The following XIRP2 variants were observed in gnomAD, a reference collection of about 807,000 sequenced individuals.
XIRP2 encodes the protein xin actin-binding repeat-containing protein 2.
In XIRP2, 236 loss-of-function variants were observed where a neutral mutation model predicts 277.0. The observed-to-expected ratio is 0.85, with a 90% CI of 0.77 to 0.95. The LOEUF is 0.95. Ranked by LOEUF, XIRP2 falls within the 40% of genes least tolerant of loss-of-function variation. XIRP2 has a pLI of 0.00. For synonymous variants in XIRP2, 1,490 were observed against 1,416.5 expected, an observed-to-expected ratio of 1.05 and a Z score of -1.17; for missense variants, 4,640 against 4,157.5, an observed-to-expected ratio of 1.12 and a Z score of -3.19.
rs751710491 is a variant in XIRP2 at position 167,248,047 on chromosome 2, A to C, written c.6655A>C (p.Thr2219Pro). The change falls in exon 9 of 11, where the codon ACA (threonine) becomes CCA (proline). Residue 2219 changes from threonine (T) to proline (P), a missense_variant. Transcript: ENST00000409195. ...GCAGCTTTTGCCTGTAGAGCAAGAC[A>C]CATCCAATGTAACAGAAATGAAAGT... ...MWQLLPVEQDTSNVTEMKVSE... is the reference protein window; with the variant it reads ...MWQLLPVEQDPSNVTEMKVSE... 5 of 1,613,668 alleles carry C rather than the reference A, an allele frequency of 3.1e-6. No individual in the cohort carries two copies. The highest frequency in any genetic ancestry group is 2.2e-5 in the South Asian group (2 of 91,050).
chr2:167,088,147 A>C (rs894678384), intron 2 of XIRP2, among the ~76,000 whole-genome samples: 10 of 152,284 alleles, frequency 6.6e-5, no homozygotes, highest in Non-Finnish European at 2.9e-5. Context: ...TAAAAGTATC[A>C]AAAATTATAA....
At chr2:167,209,978 A>C (rs1265377224) in intron 3 of XIRP2, among the ~76,000 whole-genome samples, 1 of 152,104 alleles carries the variant, frequency 6.6e-6, no homozygotes, top group Non-Finnish European at 1.5e-5. Flanking sequence ...AGTCTTTAAC[A>C]CTACTTCCAG....
In XIRP2 at chr2:166,940,942, G is replaced by A. The variant is rs183497017; in HGVS notation, c.408+37052G>A. The stretch of plus-strand genomic sequence containing the variant: ...TGTCTGATCTCAGATCTCCAGCTTC[G>A]TGCTGGGAGAACCACTACTCTCTTC... On this transcript the variant is annotated intron_variant, in intron 2 of 10. Transcript: ENST00000409195. Among the ~76,000 whole-genome samples, 748 of 152,228 alleles carry A rather than the reference G, an allele frequency of 4.9e-3. 4 individuals carry two copies. The highest frequency in any genetic ancestry group is 0.017 in the African/African-American group (723 of 41,540).
At chr2:166,976,550 AT>A (rs1686722188) in intron 2 of XIRP2, among the ~76,000 whole-genome samples, 1 of 152,200 alleles carries the variant, frequency 6.6e-6, no homozygotes, top group Non-Finnish European at 1.5e-5. Context: ...TGGAATTAAT[AT>A]TATATCATTC....
Position 167,243,132 on chromosome 2 carries a change from C to A in XIRP2, c.1740C>A (p.Ile580=), listed in dbSNP as rs1320845692. The A allele has an allele frequency of 6.2e-7, 1 of 1,613,962 alleles. No homozygotes were observed. The highest frequency in any genetic ancestry group is 1.3e-5 in the African/African-American group (1 of 74,926). The change falls in exon 9 of 11, where the codon ATC becomes ATA. Residue 580 remains isoleucine (I), a synonymous_variant. Coordinates refer to ENST00000409195, the MANE Select transcript of XIRP2 (RefSeq NM_152381.6). ...LKGEVQSIRW[I]FENQPLDSIN... ...GAGAGGTGCAGTCCATTAGATGGAT[C>A]TTTGAGAATCAACCATTGGATTCCA...
chr2:167,162,512 C>A (rs1200131647), intron 3 of XIRP2, among the ~76,000 whole-genome samples: 1 of 152,114 alleles, frequency 6.6e-6, no homozygotes, highest in Non-Finnish European at 1.5e-5. Flanking sequence ...ACCATCAGAT[C>A]TCGTGAGACT....
intron 2 of XIRP2, among the ~76,000 whole-genome samples, chr2:167,134,350 T>C (rs1011479458): frequency 6.6e-6 from 1 of 151,766 alleles, no homozygotes; most frequent in Non-Finnish European, 1.5e-5. Context: ...GTACATGTGA[T>C]GTATGTATAT....
At chr2:167,220,228 T>A (rs1478577664) in intron 5 of XIRP2, among the ~76,000 whole-genome samples, 1 of 152,170 alleles carries the variant, frequency 6.6e-6, no homozygotes, top group African/African-American at 2.4e-5. Context: ...TTATCATTGA[T>A]GTAGGGGCTT....
chr2:166,964,863 A>C (rs1686389031), intron 2 of XIRP2, among the ~76,000 whole-genome samples: 1 of 151,688 alleles, frequency 6.6e-6, no homozygotes, highest in African/African-American at 2.4e-5. Flanking sequence ...TGCCTACCTA[A>C]ATCATTTAGG....
At chr2:167,177,367 C>T (rs1044455812) in intron 3 of XIRP2, among the ~76,000 whole-genome samples, 1 of 152,140 alleles carries the variant, frequency 6.6e-6, no homozygotes, top group African/African-American at 2.4e-5. Flanking sequence ...GTATTCAGCT[C>T]ATTGTTATTT....
chr2:166,923,136 T>C (rs1315697905), intron 2 of XIRP2, among the ~76,000 whole-genome samples: 1 of 152,014 alleles, frequency 6.6e-6, no homozygotes, highest in Non-Finnish European at 1.5e-5. Context: ...GATAATAACT[T>C]AGGAGTGGTA....
At chr2:166,916,237 T>G (rs917409529) in intron 2 of XIRP2, among the ~76,000 whole-genome samples, 1 of 152,194 alleles carries the variant, frequency 6.6e-6, no homozygotes, top group African/African-American at 2.4e-5. Context: ...AATCATTTCA[T>G]TAGATGCTAG....
At chr2:167,149,234 A>G (rs1691944812) in intron 3 of XIRP2, among the ~76,000 whole-genome samples, 1 of 152,162 alleles carries the variant, frequency 6.6e-6, no homozygotes, top group Non-Finnish European at 1.5e-5. Flanking sequence ...CAAACCTGTA[A>G]CTTAATTTAT....
intron 2 of XIRP2, among the ~76,000 whole-genome samples, chr2:167,090,610 G>C (rs1408315941): frequency 6.6e-6 from 1 of 152,116 alleles, no homozygotes; most frequent in Non-Finnish European, 1.5e-5. Flanking sequence ...GATTTATTTA[G>C]CTCATGTTTT....
At chr2:167,118,488 A>ATAAAC (rs1690959519) in intron 2 of XIRP2, among the ~76,000 whole-genome samples, 1 of 106,438 alleles carries the variant, frequency 9.4e-6, no homozygotes, top group Non-Finnish European at 2.0e-5. Flanking sequence ...TCTCGATAAA[A>ATAAAC]TAAAATAAAA....
intron 2 of XIRP2, among the ~76,000 whole-genome samples, chr2:167,119,101 A>G (rs1415283537): frequency 1.3e-5 from 2 of 152,130 alleles, no homozygotes; most frequent in Non-Finnish European, 2.9e-5. Context: ...AGTGGAGGCA[A>G]AAAGTGGATT....
chr2:167,009,763 G>T (rs1439142361), intron 2 of XIRP2, among the ~76,000 whole-genome samples: 1 of 152,082 alleles, frequency 6.6e-6, no homozygotes, highest in Non-Finnish European at 1.5e-5. Context: ...TATTCTAACT[G>T]GTGTGAGATG....
At chr2:167,074,831 C>A (rs1032869207) in intron 2 of XIRP2, among the ~76,000 whole-genome samples, 5 of 152,084 alleles carry the variant, frequency 3.3e-5, no homozygotes, top group Non-Finnish European at 5.9e-5. Flanking sequence ...TGCCATGTTG[C>A]CCAAGCTGGT....
chr2:166,979,642 A>G (rs1686815608), intron 2 of XIRP2, among the ~76,000 whole-genome samples: 1 of 152,118 alleles, frequency 6.6e-6, no homozygotes, highest in Non-Finnish European at 1.5e-5. Context: ...TCATTGAGAT[A>G]ATGTAATTTA....
Sources: gnomAD v4.1 joint callset for allele counts (sites outside exome capture counted in the v4.1 genomes callset) on GRCh38, gnomAD v4.1.1 for gene constraint, MANE v1.5 for transcripts, NCBI Gene and HGNC (gene_info 2026-07-23, HGNC 2026-07-21) for gene names.